OBP2B: variants seen among roughly 807,000 people sequenced by gnomAD.
OBP2B encodes odorant-binding protein 2b.
OBP2B carries 10 observed loss-of-function variants against 21.7 expected under a neutral mutation model. The observed-to-expected ratio is 0.46, with a 90% CI of 0.28 to 0.78. OBP2B has a LOEUF of 0.78. OBP2B is among the 30% of genes least tolerant of loss of function. The pLI, the probability that OBP2B is intolerant of heterozygous loss-of-function variation, is 0.11. For synonymous variants in OBP2B, 73 were observed against 91.5 expected, an observed-to-expected ratio of 0.80 and a Z score of 1.16; for missense variants, 153 against 217.7, an observed-to-expected ratio of 0.70 and a Z score of 1.87.
chr9:133,221,316 G>T, the OBP2B span, among the ~76,000 whole-genome samples: 1 of 152,184 alleles, frequency 6.6e-6, no homozygotes, highest in African/African-American at 2.4e-5. Context: ...GAACTTTGGA[G>T]TCGTTCTTCC....
rs1363302875 is a variant in OBP2B at position 133,207,219 on chromosome 9, C to T, written c.388+7G>A. On this transcript the variant is annotated splice_region_variant and intron_variant, in intron 4 of 6. Coordinates refer to ENST00000372034, the MANE Select transcript of OBP2B (RefSeq NM_014581.4). ...GCAGGACACGCAGACCCCAGCAAGC[C>T]CCTCACCCACAAGCTTTCCCATGTG... is the stretch of plus-strand genomic sequence containing the variant. The T allele has an allele frequency of 3.1e-6, 5 of 1,600,952 alleles. No individual in the cohort carries two copies. The highest frequency in any genetic ancestry group is 3.4e-6 in the Non-Finnish European group (4 of 1,168,002).
In OBP2B at chr9:133,207,293, C is replaced by T. The variant is rs1485773775; in HGVS notation, c.321G>A (p.Arg107=). 1.2e-6 allele frequency: 2 copies of T among 1,613,830 alleles called. No individual in the cohort carries two copies. The highest frequency in any genetic ancestry group is 1.7e-6 in the Non-Finnish European group (2 of 1,179,826). ...CTTTGCAGTAAAAGATGTAGTGGTC[C>T]CTCCTGGGCAGCTCCTGCAGGTACA... ...KLMYLQELPR[R]DHYIFYCKDQ... Residue 107 remains arginine (R), a synonymous_variant, in exon 4 of 7, where the codon AGG becomes AGA. Transcript: ENST00000372034.
At chr9:133,209,959 T>C (rs1298709285), upstream of OBP2B, among the ~76,000 whole-genome samples, 2 of 152,196 alleles carry the variant, frequency 1.3e-5, no homozygotes, top group East Asian at 3.9e-4. The surrounding 1 kb of genome is among the most constrained non-coding windows in gnomAD (Gnocchi z 6.0). Context: ...GTCCATTTCT[T>C]CCTGCACGTA....
chr9:133,207,422 C>T (rs1277900643), intron 3 of OBP2B, 86 bp from the exon 4 acceptor site: 2 of 933,140 alleles, frequency 2.1e-6, no homozygotes, highest in African/African-American at 3.2e-5. Flanking sequence ...TCAGCGGTCA[C>T]CCAGGTGCCC....
chr9:133,210,977 T>C (rs1377705709), upstream of OBP2B, among the ~76,000 whole-genome samples: 2 of 152,146 alleles, frequency 1.3e-5, no homozygotes, highest in African/African-American at 2.4e-5. Flanking sequence ...GTGGCTCCTG[T>C]TGGGCTGCCG....
intron 3 of OBP2B, chr9:133,207,931 C>T (rs1833792107): frequency 6.5e-6 from 10 of 1,534,236 alleles, no homozygotes; most frequent in Non-Finnish European, 8.7e-6. Flanking sequence ...TGGTCCATCT[C>T]GACTGCGGAC....
At chr9:133,212,067 T>C (rs546727493), upstream of OBP2B, among the ~76,000 whole-genome samples, 11 of 152,222 alleles carry the variant, frequency 7.2e-5, no homozygotes, top group South Asian at 8.3e-4. Context: ...ACAGGTAAAA[T>C]AGACTTTAGA....
the OBP2B span, among the ~76,000 whole-genome samples, chr9:133,218,037 G>T: frequency 6.6e-6 from 1 of 152,254 alleles, no homozygotes; most frequent in Non-Finnish European, 1.5e-5. Context: ...AAAAAGCAAA[G>T]TGGACAAGTT....
At chr9:133,221,954 T>C in the OBP2B span, among the ~76,000 whole-genome samples, 1 of 151,972 alleles carries the variant, frequency 6.6e-6, no homozygotes, top group African/African-American at 2.4e-5. Context: ...CCAATCCCCC[T>C]GAACCTGCCT....
intron 3 of OBP2B, 26 bp downstream of exon 3, chr9:133,208,107 G>A (rs1833797919): frequency 6.4e-7 from 1 of 1,551,312 alleles, no homozygotes; most frequent in Non-Finnish European, 8.7e-7. Context: ...GGGGAGGGTG[G>A]GGGTGGGAGT....
rs141491368 is a variant in OBP2B at position 133,208,500 on chromosome 9, C to T, written c.175G>A (p.Gly59Ser). 748 of 1,613,842 alleles carry T rather than the reference C, an allele frequency of 4.6e-4. 3 individuals are homozygous for T. The African/African-American group carries it at 7.6e-3, about 16-fold the overall frequency. The change falls in exon 2 of 7, where the codon GGT (glycine) becomes AGT (serine). Residue 59 changes from glycine (G) to serine (S), a missense_variant. Gly to Ser is a moderately conservative substitution (Grantham distance 56). This residue lies in a region of OBP2B where 151 missense variants were observed against 186.3 expected (regional missense o/e 0.81). Coordinates refer to ENST00000372034, the MANE Select transcript of OBP2B (RefSeq NM_014581.4). ...GTGAACGTGGCTTCCAACTTCCCAC[C>T]GCCCAGGGCTGTCACCTTCACTGGG... ...VSPVKVTALG[G>S]GKLEATFTFM... is the part of the protein sequence containing the mutation.
At position 133,205,280 on chromosome 9, in the gene OBP2B, G is replaced by A; in HGVS notation, c.*133C>T. On this transcript the variant is annotated 3_prime_UTR_variant, in exon 7 of 7. Transcript: ENST00000372034. The stretch of plus-strand genomic sequence containing the variant: ...CCCACAGATAGGCCTGCCCAGAGCT[G>A]GGGGAGAAGGACTTTATTTGGAGTC... The A allele has an allele frequency of 1.4e-6, 2 of 1,449,234 alleles. No homozygotes were observed. The highest frequency in any genetic ancestry group is 2.6e-5 in the East Asian group (1 of 38,042). 89.8% of individuals were successfully genotyped at this position (1,449,234 alleles called of 1,614,324 possible). A position where few individuals can be genotyped will look rare whatever the true frequency, so the allele number is the denominator to read the frequency against.
At chr9:133,207,367 C>T (rs1833761861) in intron 3 of OBP2B, 31 bp from the exon 4 acceptor site, 1 of 1,410,918 alleles carries the variant, frequency 7.1e-7, no homozygotes, top group Admixed American at 1.7e-5. Flanking sequence ...GGGTCATTCC[C>T]AGAGAGAACA....
chr9:133,212,823 C>T (rs782799392), upstream of OBP2B, among the ~76,000 whole-genome samples: 6 of 152,064 alleles, frequency 3.9e-5, no homozygotes, highest in East Asian at 1.9e-4. Context: ...CCCAGCTAAT[C>T]GGGAGGCTGA....
chr9:133,205,463 G>T (rs1399322605), intron 6 of OBP2B, 52 bp from the exon 7 acceptor site: 130 of 1,050,406 alleles, frequency 1.2e-4, no homozygotes, highest in Non-Finnish European at 1.8e-4. Context: ...TAGGGCAGAG[G>T]CCAGGGCCAG....
At chr9:133,221,741 A>G in the OBP2B span, among the ~76,000 whole-genome samples, 1 of 152,092 alleles carries the variant, frequency 6.6e-6, no homozygotes, top group Non-Finnish European at 1.5e-5. Flanking sequence ...ATCAGACTCC[A>G]TATTTAATAG....
At chr9:133,211,179 TG>T (rs139750174), upstream of OBP2B, among the ~76,000 whole-genome samples, 14,496 of 152,234 alleles carry the variant, frequency 0.095, 1,026 homozygotes, top group Admixed American at 0.23. Flanking sequence ...CCAGAGCATG[TG>T]CTGGCTGGGA....
intron 5 of OBP2B, 130 bp downstream of exon 5, chr9:133,206,185 G>A: frequency 8.4e-7 from 1 of 1,187,216 alleles, no homozygotes; most frequent in Non-Finnish European, 1.2e-6. Context: ...GGGCCCGGGA[G>A]CCCCTGCGAG....
upstream of OBP2B, among the ~76,000 whole-genome samples, chr9:133,214,167 G>C (rs1833947378): frequency 6.6e-6 from 1 of 152,152 alleles, no homozygotes; most frequent in African/African-American, 2.4e-5. Context: ...CACGCATTCA[G>C]GAAAACAACT....
Sources: gnomAD v4.1 joint callset for allele counts (sites outside exome capture counted in the v4.1 genomes callset) on GRCh38, gnomAD v4.1.1 for gene constraint, gnomAD v4.1.1 regional missense constraint, Gnocchi (gnomAD v3.1) non-coding constraint, MANE v1.5 for transcripts, NCBI Gene and HGNC (gene_info 2026-07-23, HGNC 2026-07-21) for gene names.